The following ANK2 variants were observed in gnomAD, a reference collection of about 807,000 sequenced individuals.
ANK2 encodes ankyrin-2.
In ANK2, 83 loss-of-function variants were observed where a neutral mutation model predicts 360.5. The ratio of observed to expected loss-of-function variants is 0.23; its 90% CI spans 0.19 to 0.28. The LOEUF (loss-of-function observed/expected upper bound fraction) is 0.28, where lower values mean the gene tolerates loss of function less well. ANK2 is among the 10% of genes least tolerant of loss of function. ANK2 has a pLI of 1.00. For synonymous variants in ANK2, 1,740 were observed against 1,759.5 expected (o/e 0.99, Z 0.28); for missense variants, 4,201 against 4,795.7 (o/e 0.88, Z 3.66).
chr4:113,065,979 T>A (rs1219636468), intron 1 of ANK2, among the ~76,000 whole-genome samples: 2 of 152,200 alleles, frequency 1.3e-5, no homozygotes, highest in African/African-American at 2.4e-5. Flanking sequence ...TTCACCTGGT[T>A]CAGGTATATA....
chr4:113,382,211 A>C lies in ANK2; in HGVS notation c.*740A>C, dbSNP rs970136146. 8.7e-5 allele frequency: 14 copies of C among 160,062 alleles called. No individual in the cohort carries two copies. Among genetic ancestry groups the C allele is most frequent in the African/African-American group, 2.9e-4 (12 of 41,510 alleles). The allele number at this position is 160,062 out of a possible 1,614,324, so 9.9% of individuals were successfully genotyped here. Reference sequence around the variant, plus strand: ...AGCACTTCAAACCTATTATGTCCTTAGAACTTCCAGAGTAGCCACTGCTCC... The same window carrying C: ...AGCACTTCAAACCTATTATGTCCTTCGAACTTCCAGAGTAGCCACTGCTCC... On this transcript the variant is annotated 3_prime_UTR_variant, in exon 46 of 46. Coordinates refer to ENST00000357077, the MANE Select transcript of ANK2 (RefSeq NM_001148.6).
chr4:112,749,742 A>G, the ANK2 span, among the ~76,000 whole-genome samples: 1 of 152,056 alleles, frequency 6.6e-6, no homozygotes, highest in South Asian at 2.1e-4. Flanking sequence ...AGCTGTAGGT[A>G]ACTTTTTGTT....
intron 2 of ANK2, among the ~76,000 whole-genome samples, chr4:112,957,495 T>C (rs1452316579): frequency 2.6e-5 from 4 of 152,324 alleles, no homozygotes; most frequent in East Asian, 3.9e-4. Flanking sequence ...AAAACCACCA[T>C]TGTCATCATG....
intron 2 of ANK2, among the ~76,000 whole-genome samples, chr4:113,030,437 ATGTC>A (rs1335115905): frequency 6.6e-6 from 1 of 152,136 alleles, no homozygotes; most frequent in Non-Finnish European, 1.5e-5. Context: ...AGTCTAGAAT[ATGTC>A]TGTCAGATTT....
At chr4:112,955,549 T>C (rs1164589513) in intron 2 of ANK2, among the ~76,000 whole-genome samples, 2 of 152,150 alleles carry the variant, frequency 1.3e-5, no homozygotes, top group Admixed American at 1.3e-4. Flanking sequence ...TTGTTTTTTT[T>C]TTTAAATGAA....
At chr4:112,732,344 AAAC>A in the ANK2 span, among the ~76,000 whole-genome samples, 1 of 101,170 alleles carries the variant, frequency 9.9e-6, no homozygotes, top group Non-Finnish European at 1.9e-5. Context: ...GAAACTACTC[AAAC>A]TACTGGGCCC....
chr4:112,895,585 A>G (rs2081491943), intron 1 of ANK2, among the ~76,000 whole-genome samples: 1 of 151,998 alleles, frequency 6.6e-6, no homozygotes, highest in Admixed American at 6.6e-5. Context: ...TGAGGCCACA[A>G]TTTTGCTATT....
At chr4:113,058,083 A>G (rs1302060686) in intron 1 of ANK2, among the ~76,000 whole-genome samples, 1 of 152,032 alleles carries the variant, frequency 6.6e-6, no homozygotes, top group East Asian at 1.9e-4. Flanking sequence ...TTCTTTGTCC[A>G]TTTTAACTGG....
chr4:113,284,632 A>G (rs936293358), intron 18 of ANK2, among the ~76,000 whole-genome samples: 1 of 152,232 alleles, frequency 6.6e-6, no homozygotes, highest in Non-Finnish European at 1.5e-5. Flanking sequence ...GAAGAAAAAC[A>G]TTCAATTTTG....
At chr4:113,374,006 C>G (rs960490343) in intron 45 of ANK2, among the ~76,000 whole-genome samples, 2 of 152,202 alleles carry the variant, frequency 1.3e-5, no homozygotes, top group South Asian at 4.1e-4. Flanking sequence ...CTCACTGCAA[C>G]CTCCACCTCC....
intron 42 of ANK2, among the ~76,000 whole-genome samples, chr4:113,368,636 T>C (rs560112790): frequency 6.6e-6 from 1 of 152,242 alleles, no homozygotes; most frequent in African/African-American, 2.4e-5. Flanking sequence ...AAACCTGAAG[T>C]CTGAGAATAG....
intron 32 of ANK2, among the ~76,000 whole-genome samples, chr4:113,340,291 T>C (rs79931817): frequency 5.4e-4 from 82 of 152,228 alleles, no homozygotes; most frequent in African/African-American, 1.9e-3. Context: ...TGGAACCTAA[T>C]AGGCAGATAA....
At chr4:112,832,377 C>G (rs2059990098) in intron 1 of ANK2, among the ~76,000 whole-genome samples, 1 of 152,074 alleles carries the variant, frequency 6.6e-6, no homozygotes, top group African/African-American at 2.4e-5. Context: ...TACTTATATA[C>G]CAAACCTGTA....
chr4:112,738,734 C>T, the ANK2 span: 3 of 618,770 alleles, frequency 4.8e-6, no homozygotes, highest in Middle Eastern at 5.5e-4. Flanking sequence ...AGAAGTTCAT[C>T]CGGCACCAGT....
chr4:113,092,841 A>G (rs1373634941), intron 1 of ANK2, among the ~76,000 whole-genome samples: 2 of 152,158 alleles, frequency 1.3e-5, no homozygotes, highest in Non-Finnish European at 2.9e-5. Context: ...GCGCTATATA[A>G]TCTTATTGAT....
the ANK2 span, among the ~76,000 whole-genome samples, chr4:112,743,880 TA>T: frequency 6.7e-6 from 1 of 150,130 alleles, no homozygotes; most frequent in Admixed American, 6.7e-5. Context: ...ACCCAGGCTG[TA>T]CTGCAGTGGC....
chr4:113,081,944 G>T (rs1317142250), intron 1 of ANK2, among the ~76,000 whole-genome samples: 1 of 151,796 alleles, frequency 6.6e-6, no homozygotes, highest in African/African-American at 2.4e-5. Flanking sequence ...AGAGTAGCTG[G>T]GATTACAGGT....
chr4:112,869,739 G>A (rs11731228), intron 1 of ANK2, among the ~76,000 whole-genome samples: 4,253 of 152,314 alleles, frequency 0.028, 77 homozygotes, highest in Middle Eastern at 0.041. Flanking sequence ...CAAGAGGGCA[G>A]TGGTGTGATC....
intron 1 of ANK2, among the ~76,000 whole-genome samples, chr4:112,824,015 A>AT (rs546276005): frequency 4.0e-5 from 6 of 151,518 alleles, no homozygotes; most frequent in African/African-American, 7.3e-5. Flanking sequence ...ATTAATGCCG[A>AT]TTTTTTTTTA....
Sources: gnomAD v4.1 joint callset for allele counts (sites outside exome capture counted in the v4.1 genomes callset) on GRCh38, gnomAD v4.1.1 for gene constraint, MANE v1.5 for transcripts, NCBI Gene and HGNC (gene_info 2026-07-23, HGNC 2026-07-21) for gene names.